CDK17: variants seen among roughly 807,000 people sequenced by gnomAD.
The protein encoded by CDK17 is cyclin dependent kinase 17.
CDK17 carries 24 observed loss-of-function variants against 77.6 expected under a neutral mutation model. The observed-to-expected ratio is 0.31, with a 90% CI of 0.22 to 0.44. CDK17 has a LOEUF of 0.44. CDK17 is among the 20% of genes least tolerant of loss of function. The pLI is 1.00. For synonymous variants in CDK17, 203 were observed against 210.4 expected (o/e 0.96, Z 0.30); for missense variants, 429 against 622.5 (o/e 0.69, Z 3.31).
At chr12:96,377,212 G>A (rs1953793309) in intron 1 of CDK17, among the ~76,000 whole-genome samples, 1 of 152,020 alleles carries the variant, frequency 6.6e-6, no homozygotes, top group African/African-American at 2.4e-5. Context: ...AAGAAAATGT[G>A]GATGAACTTC....
intron 5 of CDK17, among the ~76,000 whole-genome samples, chr12:96,305,600 TGGGATAGTAA>T (rs900156193): frequency 2.7e-4 from 41 of 152,172 alleles, no homozygotes; most frequent in African/African-American, 9.4e-4. Flanking sequence ...CCTGAAAAGA[TGGGATAGTAA>T]GGGGGACAAC....
chr12:96,350,099 A>C (rs1320700108), intron 1 of CDK17, among the ~76,000 whole-genome samples: 1 of 152,210 alleles, frequency 6.6e-6, no homozygotes, highest in East Asian at 1.9e-4. Flanking sequence ...AAATTACAAA[A>C]TATTGTTGAA....
chr12:96,309,941 G>C (rs750783804), intron 5 of CDK17, among the ~76,000 whole-genome samples: 1 of 152,118 alleles, frequency 6.6e-6, no homozygotes, highest in African/African-American at 2.4e-5. Context: ...CAGTATCTAG[G>C]GAAGCAGAAT....
intron 1 of CDK17, among the ~76,000 whole-genome samples, chr12:96,374,860 T>C (rs753327676): frequency 2.0e-5 from 3 of 152,184 alleles, no homozygotes; most frequent in Non-Finnish European, 4.4e-5. Context: ...TATACTTGGA[T>C]CTACTGTAAT....
intron 1 of CDK17, among the ~76,000 whole-genome samples, chr12:96,355,498 G>A (rs193003092): frequency 3.4e-4 from 50 of 146,990 alleles, no homozygotes; most frequent in African/African-American, 1.1e-3. Context: ...CCTGCCTCCC[G>A]GGTTCAAGCG....
chr12:96,290,753 A>G (rs1952313026), intron 10 of CDK17, among the ~76,000 whole-genome samples: 1 of 152,198 alleles, frequency 6.6e-6, no homozygotes, highest in African/African-American at 2.4e-5. Flanking sequence ...ATCCTGTAAC[A>G]TACCATATCA....
At chr12:96,318,515 C>T (rs1952765391) in intron 3 of CDK17, among the ~76,000 whole-genome samples, 1 of 141,064 alleles carries the variant, frequency 7.1e-6, no homozygotes, top group African/African-American at 2.7e-5. Flanking sequence ...AGCACCACAC[C>T]ACACCTATTC....
chr12:96,352,579 C>T (rs904020095), intron 1 of CDK17, among the ~76,000 whole-genome samples: 1 of 152,138 alleles, frequency 6.6e-6, no homozygotes, highest in African/African-American at 2.4e-5. Flanking sequence ...CCTCATCCTG[C>T]CTTCACAACA....
chr12:96,374,691 G>A (rs774239978), intron 1 of CDK17, among the ~76,000 whole-genome samples: 12 of 152,094 alleles, frequency 7.9e-5, no homozygotes, highest in Non-Finnish European at 1.8e-4. Context: ...CAGGAAAAGG[G>A]GGGAACTAAT....
chr12:96,342,051 G>A (rs1044587068), intron 1 of CDK17, among the ~76,000 whole-genome samples: 5 of 152,260 alleles, frequency 3.3e-5, no homozygotes, highest in African/African-American at 1.2e-4. Flanking sequence ...AACAAATCAA[G>A]TATTGTGAAG....
At chr12:96,387,943 T>TA (rs1017428115) in intron 1 of CDK17, among the ~76,000 whole-genome samples, 12 of 150,096 alleles carry the variant, frequency 8.0e-5, no homozygotes, top group East Asian at 3.9e-4. Context: ...ACCTTTTCTC[T>TA]AAAAAAAAAT....
intron 1 of CDK17, among the ~76,000 whole-genome samples, chr12:96,374,489 A>G (rs902777309): frequency 1.3e-5 from 2 of 152,206 alleles, no homozygotes; most frequent in African/African-American, 4.8e-5. Flanking sequence ...TGTAGCTTCT[A>G]TTCCCTTAAG....
chr12:96,394,879 A>G (rs1001391340), intron 1 of CDK17, among the ~76,000 whole-genome samples: 5 of 38,156 alleles, frequency 1.3e-4, no homozygotes, highest in African/African-American at 4.5e-4. Flanking sequence ...CAAAAAATCT[A>G]TAATTTTTTT....
At chr12:96,382,021 G>C (rs1953891218) in intron 1 of CDK17, among the ~76,000 whole-genome samples, 1 of 151,844 alleles carries the variant, frequency 6.6e-6, no homozygotes, top group Non-Finnish European at 1.5e-5. Flanking sequence ...ATTATTCGTG[G>C]TACTGGTACA....
intron 1 of CDK17, among the ~76,000 whole-genome samples, chr12:96,339,797 G>A (rs1345050324): frequency 6.6e-6 from 1 of 151,818 alleles, no homozygotes; most frequent in East Asian, 1.9e-4. Context: ...AGGCATGGTG[G>A]TGCACGCCTG....
intron 1 of CDK17, among the ~76,000 whole-genome samples, chr12:96,379,691 A>T (rs1380504985): frequency 6.6e-6 from 1 of 152,114 alleles, no homozygotes; most frequent in Non-Finnish European, 1.5e-5. Flanking sequence ...TGGCTTCCCA[A>T]ATTTGCAGGA....
chr12:96,291,545 C>T (rs1357013374), intron 10 of CDK17, among the ~76,000 whole-genome samples: 1 of 151,928 alleles, frequency 6.6e-6, no homozygotes, highest in African/African-American at 2.4e-5. Context: ...GCCTGCTGGG[C>T]CTTCCAAAGT....
At chr12:96,333,088 T>A (rs956843637) in intron 2 of CDK17, among the ~76,000 whole-genome samples, 1 of 152,062 alleles carries the variant, frequency 6.6e-6, no homozygotes, top group Non-Finnish European at 1.5e-5. Context: ...GGCAAACACA[T>A]TGGCAAGACC....
intron 1 of CDK17, among the ~76,000 whole-genome samples, chr12:96,373,127 T>C (rs2137211626): frequency 6.6e-6 from 1 of 152,338 alleles, no homozygotes; most frequent in East Asian, 1.9e-4. Context: ...GCACTAGTGA[T>C]AAAGAGTTTA....
Sources: allele counts gnomAD v4.1 joint callset (sites outside exome capture counted in the v4.1 genomes callset), GRCh38; gene constraint gnomAD v4.1.1; transcripts MANE v1.5; gene names NCBI Gene and HGNC (gene_info 2026-07-23, HGNC 2026-07-21).